The following PPP3CA variants were observed in gnomAD, a reference collection of about 807,000 sequenced individuals.
PPP3CA encodes CAM-PRP catalytic subunit.
Under a neutral mutation model 66.5 loss-of-function variants are expected in PPP3CA, and 14 were observed. That is an observed-to-expected ratio of 0.21 (90% CI 0.14 to 0.33). The LOEUF (loss-of-function observed/expected upper bound fraction) is 0.33, where lower values mean the gene tolerates loss of function less well. Among genes scored for constraint, PPP3CA ranks in the 10% least tolerant of loss-of-function variants. PPP3CA has a pLI of 1.00. For missense variants in PPP3CA, 317 were observed against 639.5 expected, an observed-to-expected ratio of 0.50 and a Z score of 5.44; for synonymous variants, 232 against 226.2, an observed-to-expected ratio of 1.03 and a Z score of -0.23.
chr4:101,194,401 T>C (rs1304469866), intron 2 of PPP3CA, among the ~76,000 whole-genome samples: 1 of 152,160 alleles, frequency 6.6e-6, no homozygotes, highest in Admixed American at 6.5e-5. Context: ...GAAATACTTT[T>C]AGATGCCCCC....
intron 6 of PPP3CA, among the ~76,000 whole-genome samples, chr4:101,091,598 CT>C (rs904481946): frequency 1.1e-4 from 17 of 151,886 alleles, no homozygotes; most frequent in African/African-American, 3.4e-4. Context: ...GATAGAAAAA[CT>C]TTTTTTCCCC....
intron 2 of PPP3CA, among the ~76,000 whole-genome samples, chr4:101,167,245 C>T (rs889287966): frequency 6.6e-6 from 1 of 152,078 alleles, no homozygotes; most frequent in Non-Finnish European, 1.5e-5. Context: ...TATAGAGGCT[C>T]TTGGTTAAGG....
At chr4:101,086,903 T>C (rs764492056) in intron 6 of PPP3CA, among the ~76,000 whole-genome samples, 3 of 152,216 alleles carry the variant, frequency 2.0e-5, no homozygotes, top group Non-Finnish European at 2.9e-5. Context: ...GTAGCTTCAA[T>C]AGGGGCAGTC....
At chr4:101,147,896 T>G (rs767506791) in intron 2 of PPP3CA, among the ~76,000 whole-genome samples, 6 of 152,186 alleles carry the variant, frequency 3.9e-5, no homozygotes, top group Non-Finnish European at 8.8e-5. Context: ...GTCTAGTTAT[T>G]ATGAGGGAAA....
intron 1 of PPP3CA, among the ~76,000 whole-genome samples, chr4:101,230,752 C>T (rs1287784994): frequency 6.6e-6 from 1 of 151,568 alleles, no homozygotes; most frequent in Admixed American, 6.6e-5. Flanking sequence ...ACTAGAATAG[C>T]ACGCAAAGAT....
intron 2 of PPP3CA, among the ~76,000 whole-genome samples, chr4:101,149,876 C>A (rs1306351480): frequency 1.3e-5 from 2 of 152,228 alleles, no homozygotes; most frequent in African/African-American, 4.8e-5. Context: ...TTATGTAGAT[C>A]ACCTTATTTA....
intron 1 of PPP3CA, among the ~76,000 whole-genome samples, chr4:101,338,534 T>C (rs933425398): frequency 3.3e-5 from 5 of 152,212 alleles, no homozygotes; most frequent in East Asian, 1.9e-4. Context: ...CAAAAGTAGA[T>C]AGAACTTCTG....
At chr4:101,072,662 A>G (rs539867953) in intron 8 of PPP3CA, among the ~76,000 whole-genome samples, 7 of 152,350 alleles carry the variant, frequency 4.6e-5, no homozygotes, top group African/African-American at 9.6e-5. Context: ...AGTGAACAGC[A>G]TAAGTATAGT....
At chr4:101,286,091 T>A (rs1335185366) in intron 1 of PPP3CA, among the ~76,000 whole-genome samples, 1 of 152,182 alleles carries the variant, frequency 6.6e-6, no homozygotes, top group African/African-American at 2.4e-5. Context: ...ATTTGTTAGA[T>A]TCTCCTAAGA....
At chr4:101,223,370 G>A (rs1201536143) in intron 1 of PPP3CA, among the ~76,000 whole-genome samples, 1 of 151,680 alleles carries the variant, frequency 6.6e-6, no homozygotes, top group Non-Finnish European at 1.5e-5. Flanking sequence ...TAAACTCCTT[G>A]GCTCTGCCAA....
intron 2 of PPP3CA, among the ~76,000 whole-genome samples, chr4:101,130,600 C>T (rs1722397712): frequency 6.6e-6 from 1 of 152,196 alleles, no homozygotes; most frequent in African/African-American, 2.4e-5. Context: ...CAATATTCAG[C>T]ATTCTAAAAG....
chr4:101,049,393 G>A (rs921676553), intron 10 of PPP3CA, among the ~76,000 whole-genome samples: 12 of 151,976 alleles, frequency 7.9e-5, no homozygotes, highest in Non-Finnish European at 1.5e-4. Context: ...AAGCAATTAA[G>A]AGCCATAAAA....
chr4:101,099,789 C>A (rs77955054), intron 3 of PPP3CA, 67 bp from the exon 4 acceptor site: 13,231 of 829,998 alleles, frequency 0.016, 136 homozygotes, highest in Non-Finnish European at 0.019. Context: ...TCATTGCTCA[C>A]ATATCATAAA....
intron 1 of PPP3CA, among the ~76,000 whole-genome samples, chr4:101,204,777 T>G (rs3804367): frequency 1.9e-3 from 289 of 152,030 alleles, no homozygotes; most frequent in East Asian, 0.014. Flanking sequence ...TGCTACTGAA[T>G]GTTTAGATTA....
At chr4:101,123,890 T>TA (rs1317149917) in intron 2 of PPP3CA, among the ~76,000 whole-genome samples, 6 of 152,144 alleles carry the variant, frequency 3.9e-5, no homozygotes, top group African/African-American at 1.4e-4. Flanking sequence ...GTTGTAAAGA[T>TA]AAAAAATTTG....
intron 1 of PPP3CA, among the ~76,000 whole-genome samples, chr4:101,208,112 C>T (rs570461347): frequency 1.3e-5 from 2 of 152,236 alleles, no homozygotes; most frequent in East Asian, 1.9e-4. Context: ...TTTATTATCA[C>T]ATAATTTAAA....
In PPP3CA at chr4:101,025,947, T is replaced by C. The variant is rs768576482; in HGVS notation, c.1484A>G (p.Asn495Ser). 1.2e-6 allele frequency: 2 copies of C among 1,613,342 alleles called. No individual in the cohort carries two copies. The highest frequency in any genetic ancestry group is 1.1e-5 in the South Asian group (1 of 91,038). Residue 495 changes from asparagine to serine, a missense_variant, in exon 14 of 14, where the codon AAC becomes AGC. Coordinates refer to ENST00000394854, the MANE Select transcript of PPP3CA (RefSeq NM_000944.5). ...GAGAGCCTTGTTGATGGAGTTAAGG[T>C]TGGCGTCAGAGGGCATGGCATCTCT... ...PRRDAMPSDA[N>S]LNSINKALTS...
intron 10 of PPP3CA, among the ~76,000 whole-genome samples, chr4:101,055,927 T>G (rs1359913481): frequency 6.6e-6 from 1 of 151,982 alleles, no homozygotes; most frequent in Non-Finnish European, 1.5e-5. Flanking sequence ...ATATTATATT[T>G]GTGTTATATT....
At chr4:101,303,799 G>A (rs970338358) in intron 1 of PPP3CA, among the ~76,000 whole-genome samples, 3 of 152,098 alleles carry the variant, frequency 2.0e-5, no homozygotes, top group Non-Finnish European at 4.4e-5. Context: ...ATTCTTAGAA[G>A]CACTGGCAAT....
Sources: gnomAD v4.1 joint callset for allele counts (sites outside exome capture counted in the v4.1 genomes callset) on GRCh38, gnomAD v4.1.1 for gene constraint, MANE v1.5 for transcripts, NCBI Gene and HGNC (gene_info 2026-07-23, HGNC 2026-07-21) for gene names.